CASK: variants seen among roughly 807,000 people sequenced by gnomAD.
CASK encodes the protein calcium/calmodulin dependent serine protein kinase, also known as peripheral plasma membrane protein CASK.
CASK carries 4 observed loss-of-function variants against 82.9 expected under a neutral mutation model. The observed-to-expected ratio is 0.05, with a 90% CI of 0.02 to 0.11. The LOEUF (loss-of-function observed/expected upper bound fraction) is 0.11, where lower values mean the gene tolerates loss of function less well. Among genes scored for constraint, CASK ranks in the 10% least tolerant of loss-of-function variants. The pLI is 1.00. For missense variants in CASK, 358 were observed against 720.9 expected (o/e 0.50, Z 5.76); for synonymous variants, 259 against 253.5 (o/e 1.02, Z -0.20).
intron 5 of CASK, among the ~76,000 whole-genome samples, chrX:41,715,712 T>C (rs2068051217): frequency 9.1e-6 from 1 of 110,147 alleles, no homozygotes; most frequent in Admixed American, 9.7e-5. Flanking sequence ...GCCACCTGGG[T>C]CTGTGAAATG....
At chrX:41,908,897 C>T (rs1392060174) in intron 1 of CASK, among the ~76,000 whole-genome samples, 2 of 112,087 alleles carry the variant, frequency 1.8e-5, no homozygotes, top group East Asian at 5.6e-4. Flanking sequence ...CATAACTAAT[C>T]AACTCTGCCC....
chrX:41,901,947 T>C (rs747630097), intron 1 of CASK, among the ~76,000 whole-genome samples: 2 of 111,138 alleles, frequency 1.8e-5, no homozygotes, highest in Admixed American at 9.5e-5. Flanking sequence ...ATCACGAAGG[T>C]AGGCCTGAAG....
At chrX:41,778,228 T>G (rs1044033413) in intron 3 of CASK, among the ~76,000 whole-genome samples, 1 of 110,718 alleles carries the variant, frequency 9.0e-6, no homozygotes, top group Non-Finnish European at 1.9e-5. Flanking sequence ...GGTTGTACAC[T>G]AAGAATTTTT....
intron 2 of CASK, among the ~76,000 whole-genome samples, chrX:41,809,787 C>A (rs767901133): frequency 1.8e-5 from 2 of 112,052 alleles, no homozygotes; most frequent in East Asian, 5.6e-4. Flanking sequence ...GATTAAACTT[C>A]TCTGAGCTAA....
intron 21 of CASK, among the ~76,000 whole-genome samples, chrX:41,545,535 C>A (rs1182003159): frequency 8.9e-6 from 1 of 112,043 alleles, no homozygotes. Flanking sequence ...ATCTCTAAAC[C>A]CATACCTTAT....
At chrX:41,588,753 A>C (rs1298791719) in intron 13 of CASK, among the ~76,000 whole-genome samples, 4 of 111,312 alleles carry the variant, frequency 3.6e-5, no homozygotes, top group African/African-American at 1.3e-4. Flanking sequence ...GAAAAAAAAA[A>C]AAACCCATGT....
rs969646116 is a variant in CASK at position 41,516,550 on chromosome X, G to C, written c.*3870C>G. 4 of 112,179 alleles carry C rather than the reference G, an allele frequency of 3.6e-5. No individual in the cohort carries two copies. The highest frequency in any genetic ancestry group is 1.3e-4 in the African/African-American group (4 of 30,849). 9.2% of individuals were successfully genotyped at this position (112,179 alleles called of 1,213,427 possible). A position where few individuals can be genotyped will look rare whatever the true frequency, so the allele number is the denominator to read the frequency against. On this transcript the variant is annotated 3_prime_UTR_variant, in exon 27 of 27. Coordinates refer to ENST00000378163, the MANE Select transcript of CASK (RefSeq NM_001367721.1). Reference sequence around the variant, plus strand: ...CGCAGAACAAGAAAGCCACGCTCAGGGACCTTTAACTTATTACAGCCTGTA... The same window carrying C: ...CGCAGAACAAGAAAGCCACGCTCAGCGACCTTTAACTTATTACAGCCTGTA...
chrX:41,622,554 C>A (rs983679955), intron 11 of CASK, 63 bp downstream of exon 11: 2 of 965,371 alleles, frequency 2.1e-6, no homozygotes, highest in East Asian at 6.6e-5. Context: ...GATTACGAAC[C>A]ATGCAAAGCC....
At chrX:41,611,914 T>C (rs2066062103) in intron 11 of CASK, among the ~76,000 whole-genome samples, 1 of 111,750 alleles carries the variant, frequency 8.9e-6, no homozygotes, top group Non-Finnish European at 1.9e-5. Context: ...TTGGCCGGGC[T>C]GGTCTCCAGC....
At chrX:41,656,137 TA>T (rs982311832) in intron 8 of CASK, among the ~76,000 whole-genome samples, 3 of 111,968 alleles carry the variant, frequency 2.7e-5, no homozygotes, top group Non-Finnish European at 5.6e-5. Flanking sequence ...AATGAGTGGA[TA>T]AACGGGTACT....
chrX:41,777,435 T>C (rs1432930712), intron 3 of CASK, among the ~76,000 whole-genome samples: 3 of 103,740 alleles, frequency 2.9e-5, no homozygotes, highest in African/African-American at 1.1e-4. Context: ...GAGGTTGCAG[T>C]GAGCTGATAC....
intron 1 of CASK, among the ~76,000 whole-genome samples, chrX:41,865,098 G>A (rs1411883453): frequency 8.9e-6 from 1 of 111,964 alleles, no homozygotes; most frequent in Non-Finnish European, 1.9e-5. Context: ...AGTTAGGTAA[G>A]AAACCAAACT....
intron 12 of CASK, among the ~76,000 whole-genome samples, chrX:41,590,782 C>CA (rs1481560455): frequency 1.9e-5 from 2 of 106,842 alleles, no homozygotes; most frequent in African/African-American, 6.8e-5. Context: ...CGGTTTTATT[C>CA]TTTTTTTTTT....
intron 15 of CASK, among the ~76,000 whole-genome samples, chrX:41,574,929 G>A (rs1415008953): frequency 6.2e-5 from 7 of 112,271 alleles, no homozygotes; most frequent in African/African-American, 1.9e-4. Context: ...AGTGGTAGGT[G>A]AGCAATGTGA....
chrX:41,553,239 C>T (rs1418976719), intron 21 of CASK, among the ~76,000 whole-genome samples: 2 of 111,878 alleles, frequency 1.8e-5, no homozygotes, highest in South Asian at 3.7e-4. Context: ...AGGTAAAGAA[C>T]AAAGCTTCTG....
At chrX:41,582,398 C>T (rs2147212861) in intron 14 of CASK, among the ~76,000 whole-genome samples, 1 of 111,842 alleles carries the variant, frequency 8.9e-6, no homozygotes, top group South Asian at 3.8e-4. Context: ...TCACTGCAAC[C>T]TCTGCCTCCT....
intron 1 of CASK, among the ~76,000 whole-genome samples, chrX:41,876,146 G>A (rs1569474962): frequency 9.0e-6 from 1 of 110,915 alleles, no homozygotes; most frequent in African/African-American, 3.3e-5. Context: ...TACTTTATTA[G>A]TATTAGTATG....
chrX:41,593,588 C>T (rs1403459982), intron 12 of CASK, among the ~76,000 whole-genome samples: 1 of 111,030 alleles, frequency 9.0e-6, no homozygotes, highest in Admixed American at 9.5e-5. Context: ...TAGTTTGGTC[C>T]CCAGCAATAA....
intron 9 of CASK, among the ~76,000 whole-genome samples, chrX:41,630,717 C>T (rs1471584645): frequency 9.0e-6 from 1 of 111,155 alleles, no homozygotes; most frequent in Admixed American, 9.6e-5. Context: ...CAGAACATAC[C>T]AATAGGAGTG....
Sources: allele counts gnomAD v4.1 joint callset (sites outside exome capture counted in the v4.1 genomes callset), GRCh38; gene constraint gnomAD v4.1.1; transcripts MANE v1.5; gene names NCBI Gene and HGNC (gene_info 2026-07-23, HGNC 2026-07-21).